The following SLC13A3 variants were observed in gnomAD, a reference collection of about 807,000 sequenced individuals.
SLC13A3 encodes the protein Na(+)/dicarboxylate cotransporter 3.
A neutral mutation model predicts 59.0 loss-of-function variants in SLC13A3; 40 were observed. The ratio of observed to expected loss-of-function variants is 0.68; its 90% confidence interval spans 0.53 to 0.88. SLC13A3 has a LOEUF of 0.88. Among genes scored for constraint, SLC13A3 ranks in the 40% least tolerant of loss-of-function variants. The probability of loss-of-function intolerance (pLI) is 0.00; values close to 1 mark genes in which losing one functional copy is unlikely to be tolerated. For missense variants in SLC13A3, 699 were observed against 783.2 expected, an observed-to-expected ratio of 0.89 and a Z score of 1.28; for synonymous variants, 317 against 330.3, an observed-to-expected ratio of 0.96 and a Z score of 0.44.
intron 1 of SLC13A3, among the ~76,000 whole-genome samples, chr20:46,638,817 TG>T (rs546775011): frequency 1.3e-4 from 20 of 152,234 alleles, no homozygotes; most frequent in African/African-American, 4.3e-4. Flanking sequence ...GGATTCTCTG[TG>T]GGGGGCTGTC....
chr20:46,573,186 A>G, intron 10 of SLC13A3, among the ~76,000 whole-genome samples: 1 of 152,216 alleles, frequency 6.6e-6, no homozygotes, highest in Admixed American at 6.5e-5. Context: ...ATGAGCAGCT[A>G]TGTAGAGAGC....
At chr20:46,628,480 G>A (rs923410216) in intron 1 of SLC13A3, among the ~76,000 whole-genome samples, 1 of 152,174 alleles carries the variant, frequency 6.6e-6, no homozygotes, top group African/African-American at 2.4e-5. Flanking sequence ...GCCTAACGGA[G>A]TCTGCATCTG....
At chr20:46,599,377 C>T (rs911880866) in intron 4 of SLC13A3, among the ~76,000 whole-genome samples, 3 of 152,194 alleles carry the variant, frequency 2.0e-5, no homozygotes, top group East Asian at 1.9e-4. Context: ...AACATCTGGA[C>T]GTGTAAGGTC....
intron 1 of SLC13A3, among the ~76,000 whole-genome samples, chr20:46,618,608 G>A (rs775745765): frequency 5.3e-5 from 8 of 152,220 alleles, no homozygotes; most frequent in Middle Eastern, 3.2e-3. Context: ...TGCCATGTGA[G>A]GACACAGCAA....
chr20:46,560,164 A>G lies in SLC13A3; in HGVS notation c.1667T>C (p.Val556Ala), dbSNP rs2061918844. 6.2e-7 allele frequency: 1 copy of G among 1,614,188 alleles called. No homozygotes were observed. ...ATTCATAGCCAAACTGAGCAGCAGG[A>G]CACCCATCAGGTTCATCAGGAGGCC... ...RTGLLMNLMG[V>A]LLLSLAMNTW... The change falls in exon 13 of 13, where the codon GTC (valine) becomes GCC (alanine). Residue 556 changes from valine (V) to alanine (A), a missense_variant. Physicochemically the swap from Val to Ala is moderately conservative, Grantham distance 64 (BLOSUM62 0). Coordinates refer to ENST00000279027, the MANE Select transcript of SLC13A3 (RefSeq NM_022829.6).
At chr20:46,566,196 G>A (rs1409196735) in intron 11 of SLC13A3, 33 bp downstream of exon 11, 1 of 1,585,666 alleles carries the variant, frequency 6.3e-7, no homozygotes. Context: ...GTTGGGGGAG[G>A]GGTGCTCCCC....
At position 46,560,185 on chromosome 20, in the gene SLC13A3, A is replaced by T; in HGVS notation, c.1646T>A (p.Leu549His). Residue 549 changes from leucine (L) to histidine (H), a missense_variant, in exon 13 of 13, where the codon CTC becomes CAC. Leu to His is a moderately conservative substitution (Grantham distance 99, BLOSUM62 -3). Coordinates refer to ENST00000279027, the MANE Select transcript of SLC13A3 (RefSeq NM_022829.6). Reference sequence around the variant, plus strand: ...CAGGACACCCATCAGGTTCATCAGGAGGCCTGTCCGCACCTGAAATAGAGC... The same window carrying T: ...CAGGACACCCATCAGGTTCATCAGGTGGCCTGTCCGCACCTGAAATAGAGC... The part of the protein sequence containing the change: ...LLVKDMVRTG[L>H]LMNLMGVLLL... 1.2e-6 allele frequency: 2 copies of T among 1,614,144 alleles called. No homozygotes were observed. Among genetic ancestry groups the T allele is most frequent in the Non-Finnish European group, 1.7e-6 (2 of 1,180,016 alleles).
intron 1 of SLC13A3, among the ~76,000 whole-genome samples, chr20:46,666,782 G>T (rs1246088271): frequency 6.6e-6 from 1 of 152,018 alleles, no homozygotes; most frequent in African/African-American, 2.4e-5. Context: ...GGGATTACAG[G>T]CATGAGCCAT....
At chr20:46,578,905 G>GTCGTCA (rs1377065197) in intron 9 of SLC13A3, among the ~76,000 whole-genome samples, 26 of 151,474 alleles carry the variant, frequency 1.7e-4, no homozygotes, top group African/African-American at 5.3e-4. Context: ...CGTCGTCGTC[G>GTCGTCA]TCATCATCAT....
intron 5 of SLC13A3, among the ~76,000 whole-genome samples, chr20:46,594,791 T>C (rs1600532843): frequency 6.6e-6 from 1 of 151,936 alleles, no homozygotes; most frequent in Non-Finnish European, 1.5e-5. Context: ...GTTTCCATCA[T>C]CAAATCTTAA....
upstream of SLC13A3, among the ~76,000 whole-genome samples, chr20:46,674,812 G>A (rs1284315672): frequency 1.3e-5 from 2 of 152,128 alleles, no homozygotes; most frequent in African/African-American, 4.8e-5. Flanking sequence ...GAACCAAACA[G>A]AGCTCCCTGC....
chr20:46,582,435 AT>A (rs3092446), intron 9 of SLC13A3, among the ~76,000 whole-genome samples: 29,555 of 130,856 alleles, frequency 0.23, 3,089 homozygotes, highest in African/African-American at 0.31. Context: ...GCCTGCTACA[AT>A]TTTTTTTTTT....
chr20:46,675,238 T>C (rs2063117557), intron 1 of SLC13A3, among the ~76,000 whole-genome samples: 1 of 151,786 alleles, frequency 6.6e-6, no homozygotes, highest in Non-Finnish European at 1.5e-5. Flanking sequence ...CTTTTCTTTT[T>C]TGTTTTTAGG....
At chr20:46,601,256 G>T (rs559047916) in intron 3 of SLC13A3, among the ~76,000 whole-genome samples, 1 of 152,202 alleles carries the variant, frequency 6.6e-6, no homozygotes, top group Admixed American at 6.5e-5. Flanking sequence ...GAGAATGGAC[G>T]TAGGGAAAGG....
At position 46,631,989 on chromosome 20, in the gene SLC13A3, C is replaced by T. The variant is rs367872449; in HGVS notation, c.112-18264G>A. Among the ~76,000 whole-genome samples, 45 of 152,298 alleles carry T rather than the reference C, an allele frequency of 3.0e-4. No individual in the cohort carries two copies. In the East Asian group the frequency reaches 8.1e-3, roughly 27 times the overall value. ...GACACTGCCTCCACCACCACTGTCC[C>T]CTTCCCCCTGCCCCAGCTCCCTGCT... On this transcript the variant is annotated intron_variant, in intron 1 of 12. Coordinates refer to ENST00000279027, the MANE Select transcript of SLC13A3 (RefSeq NM_022829.6).
intron 1 of SLC13A3, among the ~76,000 whole-genome samples, chr20:46,637,155 G>T (rs2062803610): frequency 6.6e-6 from 1 of 152,108 alleles, no homozygotes; most frequent in Non-Finnish European, 1.5e-5. Context: ...GGGTCCAGCT[G>T]GTCCTGCCCC....
chr20:46,559,722 G>A lies in SLC13A3; in HGVS notation c.*300C>T. 3.4e-6 allele frequency: 1 copy of A among 292,452 alleles called. No homozygotes were observed. The allele number at this position is 292,452 out of a possible 1,614,324, so 18.1% of individuals were successfully genotyped here. On this transcript the variant is annotated 3_prime_UTR_variant, in exon 13 of 13. Coordinates refer to ENST00000279027, the MANE Select transcript of SLC13A3 (RefSeq NM_022829.6). ...ACGAGACAAACACCATGCCAGATTTGCTCACTGTTGATGACACTGGGCTGT... is the reference window on the plus strand; with the variant it reads ...ACGAGACAAACACCATGCCAGATTTACTCACTGTTGATGACACTGGGCTGT...
intron 1 of SLC13A3, among the ~76,000 whole-genome samples, chr20:46,682,832 G>A (rs1181407022): frequency 3.3e-5 from 5 of 152,264 alleles, no homozygotes; most frequent in Non-Finnish European, 5.9e-5. Flanking sequence ...ACACAAAACT[G>A]CTAGTGCTGT....
intron 1 of SLC13A3, among the ~76,000 whole-genome samples, chr20:46,626,254 T>TCTCCTCCCTTTCTCTCTCTCCCTC (rs2062670639): frequency 7.1e-6 from 1 of 141,254 alleles, no homozygotes; most frequent in Non-Finnish European, 1.5e-5. Context: ...CCTTCCTCTC[T>TCTCCTCCCTTTCTCTCTCTCCCTC]CTCCTCCCTT....
Sources: allele counts gnomAD v4.1 joint callset (sites outside exome capture counted in the v4.1 genomes callset), GRCh38; gene constraint gnomAD v4.1.1; transcripts MANE v1.5; gene names NCBI Gene and HGNC (gene_info 2026-07-23, HGNC 2026-07-21).